PTPRT: variants seen among roughly 807,000 people sequenced by gnomAD.
PTPRT encodes receptor-type tyrosine-protein phosphatase T.
Under a neutral mutation model 176.8 loss-of-function variants are expected in PTPRT, and 56 were observed. The observed-to-expected ratio is 0.32, with a 90% CI of 0.26 to 0.40. The LOEUF (loss-of-function observed/expected upper bound fraction) is 0.40, where lower values mean the gene tolerates loss of function less well. PTPRT is among the 10% of genes least tolerant of loss of function. PTPRT has a pLI of 1.00. For synonymous variants in PTPRT, 783 were observed against 739.0 expected (o/e 1.06, Z -0.96); for missense variants, 1,540 against 1,908.2 (o/e 0.81, Z 3.60).
At chr20:42,183,920 A>G (rs372704145) in intron 16 of PTPRT, among the ~76,000 whole-genome samples, 4 of 152,296 alleles carry the variant, frequency 2.6e-5, no homozygotes, top group African/African-American at 9.6e-5. Context: ...TACAATTACC[A>G]TGAGTCTGTC....
At chr20:42,118,594 G>T in intron 20 of PTPRT, 94 bp from the exon 21 acceptor site, 1 of 881,636 alleles carries the variant, frequency 1.1e-6, no homozygotes, top group Non-Finnish European at 1.8e-6. Context: ...CTCCACACTG[G>T]TGAGCAGGAG....
At chr20:42,847,822 A>T (rs547880808) in intron 2 of PTPRT, among the ~76,000 whole-genome samples, 1 of 152,310 alleles carries the variant, frequency 6.6e-6, no homozygotes, top group South Asian at 2.1e-4. Flanking sequence ...ATCCTGTTAG[A>T]AAACAGAGGT....
At chr20:42,590,504 T>A (rs1413236868) in intron 7 of PTPRT, among the ~76,000 whole-genome samples, 2 of 152,088 alleles carry the variant, frequency 1.3e-5, no homozygotes, top group African/African-American at 4.8e-5. Flanking sequence ...AGACCATAGC[T>A]TAGTGGGGAC....
chr20:43,136,710 G>C (rs140765245), intron 1 of PTPRT, among the ~76,000 whole-genome samples: 1 of 152,270 alleles, frequency 6.6e-6, no homozygotes, highest in Non-Finnish European at 1.5e-5. Context: ...TGTATTTTCT[G>C]TTTACTCCCT....
At chr20:43,177,417 T>A (rs1188085088) in intron 1 of PTPRT, among the ~76,000 whole-genome samples, 3 of 152,182 alleles carry the variant, frequency 2.0e-5, no homozygotes, top group African/African-American at 4.8e-5. Context: ...AGGAAATATC[T>A]GAAGTTTGAG....
At chr20:42,894,501 C>T (rs939293394) in intron 1 of PTPRT, among the ~76,000 whole-genome samples, 2 of 151,670 alleles carry the variant, frequency 1.3e-5, no homozygotes, top group Non-Finnish European at 1.5e-5. Flanking sequence ...ATTTTATAGA[C>T]AAAGAAATGA....
At chr20:43,070,596 C>T (rs2011166833) in intron 1 of PTPRT, among the ~76,000 whole-genome samples, 1 of 152,036 alleles carries the variant, frequency 6.6e-6, no homozygotes, top group Non-Finnish European at 1.5e-5. Context: ...CAATGATAGA[C>T]TGGATTAAGA....
chr20:42,338,658 G>GA (rs999900225), intron 11 of PTPRT, among the ~76,000 whole-genome samples: 7 of 151,068 alleles, frequency 4.6e-5, no homozygotes, highest in South Asian at 2.1e-4. Flanking sequence ...TCCTTTTTTT[G>GA]AAAAAAAACA....
chr20:42,527,794 G>T (rs745789390), intron 7 of PTPRT, among the ~76,000 whole-genome samples: 4 of 152,194 alleles, frequency 2.6e-5, no homozygotes, highest in Non-Finnish European at 4.4e-5. Flanking sequence ...GAACCAAGTT[G>T]TAAGTGGTAT....
At chr20:42,736,363 G>T (rs1357770731) in intron 6 of PTPRT, among the ~76,000 whole-genome samples, 1 of 152,210 alleles carries the variant, frequency 6.6e-6, no homozygotes, top group East Asian at 1.9e-4. Context: ...TGAAGGAAAA[G>T]ATATCGTGAA....
At chr20:43,007,897 T>C (rs996609000) in intron 1 of PTPRT, among the ~76,000 whole-genome samples, 3 of 152,202 alleles carry the variant, frequency 2.0e-5, no homozygotes, top group Non-Finnish European at 4.4e-5. Flanking sequence ...TTTCCTTAAC[T>C]GTAAAATGGG....
chr20:43,123,224 A>G (rs2013329948), intron 1 of PTPRT, among the ~76,000 whole-genome samples: 1 of 152,196 alleles, frequency 6.6e-6, no homozygotes, highest in Admixed American at 6.5e-5. Context: ...CTTTTAAACA[A>G]GAGGTGGATA....
intron 7 of PTPRT, among the ~76,000 whole-genome samples, chr20:42,625,590 T>C (rs1000269297): frequency 3.3e-5 from 5 of 152,052 alleles, no homozygotes; most frequent in Non-Finnish European, 7.4e-5. Context: ...GCTGGGGCTA[T>C]GCCACATCTC....
chr20:43,106,666 GAAAAAAA>G (rs71193676), intron 1 of PTPRT, among the ~76,000 whole-genome samples: 1 of 87,002 alleles, frequency 1.1e-5, no homozygotes, highest in Non-Finnish European at 2.0e-5. Context: ...CTCAAAAAAA[GAAAAAAA>G]AAAAAAAAAA....
At chr20:42,246,836 C>G (rs2146906041) in intron 14 of PTPRT, among the ~76,000 whole-genome samples, 1 of 152,276 alleles carries the variant, frequency 6.6e-6, no homozygotes, top group African/African-American at 2.4e-5. Flanking sequence ...TCACCTCTGC[C>G]TCTAATATAT....
intron 7 of PTPRT, among the ~76,000 whole-genome samples, chr20:42,666,649 A>G (rs1254444933): frequency 6.6e-6 from 1 of 152,198 alleles, no homozygotes; most frequent in Non-Finnish European, 1.5e-5. Flanking sequence ...TGCTAATCCA[A>G]CAACATGACA....
intron 1 of PTPRT, among the ~76,000 whole-genome samples, chr20:42,978,463 G>C (rs1204346084): frequency 6.6e-6 from 1 of 152,136 alleles, no homozygotes; most frequent in African/African-American, 2.4e-5. Context: ...CAGAAAGATT[G>C]CAAGAATTTA....
intron 1 of PTPRT, among the ~76,000 whole-genome samples, chr20:43,038,237 C>G (rs1986464178): frequency 6.6e-6 from 1 of 150,914 alleles, no homozygotes; most frequent in African/African-American, 2.5e-5. Context: ...ACATTTCGCC[C>G]AAAGGGTTTC....
At chr20:43,110,797 G>A (rs1405509681) in intron 1 of PTPRT, among the ~76,000 whole-genome samples, 1 of 152,134 alleles carries the variant, frequency 6.6e-6, no homozygotes, top group Non-Finnish European at 1.5e-5. Flanking sequence ...GAGCAGAGGA[G>A]GAGAAGGCAA....
Sources: allele counts gnomAD v4.1 joint callset (sites outside exome capture counted in the v4.1 genomes callset), GRCh38; gene constraint gnomAD v4.1.1; transcripts MANE v1.5; gene names NCBI Gene and HGNC (gene_info 2026-07-23, HGNC 2026-07-21).